WDR59: variants seen among roughly 807,000 people sequenced by gnomAD.
WDR59 encodes WD repeat domain 59.
A neutral mutation model predicts 131.2 loss-of-function variants in WDR59; 100 were observed. The ratio of observed to expected loss-of-function variants is 0.76; its 90% CI spans 0.65 to 0.90. The LOEUF is 0.90. Among genes scored for constraint, WDR59 ranks in the 40% least tolerant of loss-of-function variants. The pLI, the probability that WDR59 is intolerant of heterozygous loss-of-function variation, is 0.00. For missense variants in WDR59, 1,203 were observed against 1,262.2 expected, an observed-to-expected ratio of 0.95 and a Z score of 0.71; for synonymous variants, 601 against 466.2, an observed-to-expected ratio of 1.29 and a Z score of -3.72.
At chr16:74,879,740 A>T (rs1192812381) in intron 25 of WDR59, among the ~76,000 whole-genome samples, 1 of 152,238 alleles carries the variant, frequency 6.6e-6, no homozygotes, top group Non-Finnish European at 1.5e-5. Context: ...AATATAGATT[A>T]TAAGATATCA....
intron 6 of WDR59, among the ~76,000 whole-genome samples, chr16:74,946,295 T>C (rs181944689): frequency 5.3e-4 from 80 of 152,346 alleles, no homozygotes; most frequent in Non-Finnish European, 9.0e-4. Context: ...AGGCATCCAA[T>C]GGGGGTCTTG....
In WDR59 at chr16:74,922,057, C is replaced by T; in HGVS notation, c.776G>A (p.Arg259Lys). 2 of 1,614,192 alleles carry T rather than the reference C, an allele frequency of 1.2e-6. No individual in the cohort carries two copies. Among genetic ancestry groups the T allele is most frequent in the Non-Finnish European group, 1.7e-6 (2 of 1,180,030 alleles). ...LVTVMVPQLRRENSLLLWNVF... is the reference protein window; with the variant it reads ...LVTVMVPQLRKENSLLLWNVF... ...ATTCCACAGGAGAAGGCTGTTTTCC[C>T]TCCGCAGCTGGGGAACCATCACAGT... Residue 259 changes from arginine (R) to lysine (K), a missense_variant, in exon 10 of 26, where the codon AGG (arginine) becomes AAG (lysine). Transcript: ENST00000262144.
At chr16:74,929,793 C>T (rs1186332896) in intron 8 of WDR59, among the ~76,000 whole-genome samples, 1 of 152,144 alleles carries the variant, frequency 6.6e-6, no homozygotes, top group Admixed American at 6.6e-5. Flanking sequence ...TGTTCATCAA[C>T]AGACAAACGG....
intron 2 of WDR59, among the ~76,000 whole-genome samples, chr16:74,960,055 C>T (rs1317458446): frequency 2.0e-5 from 3 of 151,990 alleles, no homozygotes; most frequent in South Asian, 2.1e-4. Flanking sequence ...TTAGGCCGGG[C>T]GCAGTGGCTC....
At chr16:74,906,664 T>C (rs896479034) in intron 17 of WDR59, among the ~76,000 whole-genome samples, 2 of 152,240 alleles carry the variant, frequency 1.3e-5, no homozygotes, top group African/African-American at 2.4e-5. Context: ...GTTGCATTCA[T>C]ACAATGGACC....
chr16:74,934,083 T>C (rs1213598675), intron 8 of WDR59, among the ~76,000 whole-genome samples: 4 of 147,990 alleles, frequency 2.7e-5, no homozygotes, highest in African/African-American at 1.0e-4. Context: ...CTTGTCATTC[T>C]GCAGATTTTT....
chr16:74,887,820 C>T (rs1964841470), intron 22 of WDR59, 65 bp from the exon 23 acceptor site: 6 of 1,517,636 alleles, frequency 4.0e-6, no homozygotes, highest in East Asian at 2.3e-5. Context: ...TGACAGTTCA[C>T]ATTAAGAAAA....
chr16:74,879,946 G>A (rs992262209), intron 25 of WDR59, among the ~76,000 whole-genome samples: 2 of 152,196 alleles, frequency 1.3e-5, no homozygotes, highest in African/African-American at 4.8e-5. Flanking sequence ...AGCACTTTGG[G>A]AGGCTGAGGT....
intron 1 of WDR59, among the ~76,000 whole-genome samples, chr16:74,981,472 C>A (rs1476658355): frequency 6.7e-6 from 1 of 149,708 alleles, no homozygotes; most frequent in African/African-American, 2.5e-5. Flanking sequence ...GTGGGAAGAT[C>A]ACTTGATACC....
chr16:74,892,202 G>C (rs1027981422), intron 20 of WDR59, among the ~76,000 whole-genome samples: 30 of 152,222 alleles, frequency 2.0e-4, no homozygotes, highest in Non-Finnish European at 2.9e-5. Context: ...AAATAGACAT[G>C]CAAGTTTAGC....
intron 8 of WDR59, among the ~76,000 whole-genome samples, chr16:74,927,681 AAAACACACACACACACACAC>A (rs1207072848): frequency 5.7e-5 from 1 of 17,554 alleles, no homozygotes; most frequent in African/African-American, 8.0e-5. Context: ...TGCTCTTTAA[AAAACACACACACACACACAC>A]ACACACACAC....
chr16:74,945,418 G>C (rs548297840), intron 6 of WDR59, among the ~76,000 whole-genome samples: 2 of 151,870 alleles, frequency 1.3e-5, no homozygotes, highest in African/African-American at 2.4e-5. Flanking sequence ...CAGAGCTTGC[G>C]GTGAGCTGAG....
At chr16:74,889,582 C>T (rs749569540) in intron 21 of WDR59, 121 bp downstream of exon 21, 65 of 707,198 alleles carry the variant, frequency 9.2e-5, no homozygotes, top group Middle Eastern at 5.0e-4. Flanking sequence ...AGGAAAGATC[C>T]TACTCCTTCC....
At chr16:74,962,242 T>C (rs1346478292) in intron 2 of WDR59, among the ~76,000 whole-genome samples, 8 of 152,300 alleles carry the variant, frequency 5.3e-5, no homozygotes, top group Non-Finnish European at 1.2e-4. Flanking sequence ...AGCTTTGTTA[T>C]TTTTGTTTAG....
At chr16:74,916,061 G>A in intron 12 of WDR59, 66 bp downstream of exon 12, 2 of 1,613,910 alleles carry the variant, frequency 1.2e-6, no homozygotes, top group Non-Finnish European at 1.7e-6. Context: ...CAGGTCTGGG[G>A]TATCTGCCAC....
intron 7 of WDR59, among the ~76,000 whole-genome samples, chr16:74,940,953 C>T (rs1330413735): frequency 2.0e-5 from 3 of 152,032 alleles, no homozygotes; most frequent in Admixed American, 6.5e-5. Context: ...ATCCACCCGC[C>T]TCAGCCTCCC....
At chr16:74,921,093 T>A (rs537001475) in intron 10 of WDR59, among the ~76,000 whole-genome samples, 7 of 152,334 alleles carry the variant, frequency 4.6e-5, no homozygotes, top group South Asian at 2.1e-4. Context: ...AATTTTTTTT[T>A]ATTTAAACTT....
rs56943510 is a variant in WDR59 at position 74,979,838 on chromosome 16, C to CTTT, written c.54+5123_54+5125dup. Among the ~76,000 whole-genome samples the CTTT allele has an allele frequency of 1.7e-3, 104 of 60,502 alleles. 2 individuals are homozygous for CTTT. Among genetic ancestry groups the CTTT allele is most frequent in the Admixed American group, 4.0e-3 (15 of 3,756 alleles). 39.7% of individuals were successfully genotyped at this position (60,502 alleles called of 152,430 possible). Reference sequence around the variant, plus strand: ...ACAGGTGTGAGTCACCACACCCGGCCTTTTTTTTTTTTTTTTTTTTTTTTC... The same window carrying CTTT: ...ACAGGTGTGAGTCACCACACCCGGCCTTTTTTTTTTTTTTTTTTTTTTTTTTTC... On this transcript the variant is annotated intron_variant, in intron 1 of 25. Transcript: ENST00000262144.
intron 8 of WDR59, among the ~76,000 whole-genome samples, chr16:74,924,601 G>A (rs928840151): frequency 6.6e-6 from 1 of 152,142 alleles, no homozygotes; most frequent in Non-Finnish European, 1.5e-5. Context: ...AAATTGTAGA[G>A]CACACAAAGT....
Sources: allele counts gnomAD v4.1 joint callset (sites outside exome capture counted in the v4.1 genomes callset), GRCh38; gene constraint gnomAD v4.1.1; transcripts MANE v1.5; gene names NCBI Gene and HGNC (gene_info 2026-07-23, HGNC 2026-07-21).